PRKN: variants seen among roughly 807,000 people sequenced by gnomAD.
PRKN encodes E3 ubiquitin-protein ligase parkin.
PRKN carries 56 observed loss-of-function variants against 59.5 expected under a neutral mutation model. The ratio of observed to expected loss-of-function variants is 0.94; its 90% confidence interval spans 0.76 to 1.18. The LOEUF is 1.18. Ranked by LOEUF, PRKN falls within the 50% of genes most tolerant of loss-of-function variation. The probability of loss-of-function intolerance (pLI) is 0.00; values close to 1 mark genes in which losing one functional copy is unlikely to be tolerated. For synonymous variants in PRKN, 250 were observed against 222.1 expected, an observed-to-expected ratio of 1.13 and a Z score of -1.12; for missense variants, 657 against 596.4, an observed-to-expected ratio of 1.10 and a Z score of -1.06.
Position 162,727,685 on chromosome 6 carries a change from G to C in PRKN, c.-17C>G. On this transcript the variant is annotated 5_prime_UTR_variant, in exon 1 of 12. Coordinates refer to ENST00000366898, the MANE Select transcript of PRKN (RefSeq NM_004562.3). The stretch of plus-strand genomic sequence containing the variant: ...ACCTATCATGGTCACTGGGTAGGTG[G>C]CGGCTGCGGGCCAGGAACAGGCCCA... The C allele has an allele frequency of 6.4e-7, 1 of 1,572,938 alleles. No individual in the cohort carries two copies. Among genetic ancestry groups the C allele is most frequent in the Non-Finnish European group, 8.6e-7 (1 of 1,160,450 alleles).
intron 1 of PRKN, among the ~76,000 whole-genome samples, chr6:162,456,736 TTGTTTTATGTG>T (rs1225243765): frequency 6.6e-6 from 1 of 152,208 alleles, no homozygotes; most frequent in African/African-American, 2.4e-5. Context: ...ATACATAACC[TTGTTTTATGTG>T]TGTTTCTGTT....
chr6:162,689,271 C>T lies in PRKN; in HGVS notation c.7+38391G>A, dbSNP rs569457178. Among the ~76,000 whole-genome samples, 82 of 152,166 alleles carry T rather than the reference C, an allele frequency of 5.4e-4. 1 individual carries two copies. Among genetic ancestry groups the T allele is most frequent in the Admixed American group, 4.0e-3 (61 of 15,294 alleles). ...CATTCTTACTGAAAGAAGTTAACAG[C>T]GATGGGCAGATAAACAATGCACAAG... On this transcript the variant is annotated intron_variant, in intron 1 of 11. Coordinates refer to ENST00000366898, the MANE Select transcript of PRKN (RefSeq NM_004562.3).
At chr6:162,171,445 C>T (rs939006112) in intron 4 of PRKN, among the ~76,000 whole-genome samples, 7 of 152,066 alleles carry the variant, frequency 4.6e-5, no homozygotes, top group Non-Finnish European at 8.8e-5. Context: ...TGGAGTGGCC[C>T]TAAGCAAGTT....
At chr6:162,117,774 T>G (rs966069550) in intron 4 of PRKN, among the ~76,000 whole-genome samples, 1 of 152,194 alleles carries the variant, frequency 6.6e-6, no homozygotes, top group Non-Finnish European at 1.5e-5. Context: ...TCTGAGTGAA[T>G]GCAACTGATG....
intron 2 of PRKN, among the ~76,000 whole-genome samples, chr6:162,410,077 G>A (rs1189239872): frequency 6.6e-6 from 1 of 152,162 alleles, no homozygotes; most frequent in Non-Finnish European, 1.5e-5. Flanking sequence ...CACAATCTAG[G>A]CATTTTTGTT....
intron 2 of PRKN, among the ~76,000 whole-genome samples, chr6:162,401,728 TTAAAA>T (rs1215839421): frequency 1.3e-5 from 2 of 151,920 alleles, no homozygotes; most frequent in African/African-American, 4.8e-5. Context: ...ATATACAAAA[TTAAAA>T]TAAGGAGAAT....
At chr6:161,574,480 G>A (rs941375389) in intron 7 of PRKN, among the ~76,000 whole-genome samples, 5 of 152,078 alleles carry the variant, frequency 3.3e-5, no homozygotes, top group Admixed American at 1.3e-4. Flanking sequence ...CTTAATGACT[G>A]CATATTACTT....
intron 2 of PRKN, among the ~76,000 whole-genome samples, chr6:162,329,388 C>T (rs1487184001): frequency 2.0e-5 from 3 of 152,038 alleles, no homozygotes; most frequent in Non-Finnish European, 4.4e-5. Flanking sequence ...CCTTCCATAT[C>T]GATGGCTCCT....
At chr6:161,932,713 ACAATCT>A (rs1252208472) in intron 6 of PRKN, among the ~76,000 whole-genome samples, 4 of 152,238 alleles carry the variant, frequency 2.6e-5, no homozygotes, top group African/African-American at 9.6e-5. Context: ...TGTACAACAC[ACAATCT>A]CAATTATCTG....
intron 1 of PRKN, among the ~76,000 whole-genome samples, chr6:162,671,962 G>A (rs1284541738): frequency 1.3e-5 from 2 of 151,970 alleles, no homozygotes; most frequent in Non-Finnish European, 2.9e-5. Context: ...GTGAGTGCTG[G>A]GAGGTGCTGC....
chr6:162,135,527 A>G (rs970797001), intron 4 of PRKN, among the ~76,000 whole-genome samples: 4 of 152,140 alleles, frequency 2.6e-5, no homozygotes, highest in Non-Finnish European at 5.9e-5. Flanking sequence ...AAAGAGAAAA[A>G]GTGCTTTTTG....
In PRKN at chr6:162,220,637, G is replaced by A. The variant is rs374816941; in HGVS notation, c.413-19385C>T. On this transcript the variant is annotated intron_variant, in intron 3 of 11. Coordinates refer to ENST00000366898, the MANE Select transcript of PRKN (RefSeq NM_004562.3). ...CCAACCAGTAACCAAGGTAAAAGAG[G>A]GACTAAATCAATCAACGAAAAAAAA... Among the ~76,000 whole-genome samples the A allele has an allele frequency of 1.6e-4, 24 of 152,144 alleles. No individual in the cohort carries two copies. In the East Asian group the frequency reaches 4.4e-3, roughly 28 times the overall value.
chr6:161,884,750 T>C (rs941622130), intron 6 of PRKN, among the ~76,000 whole-genome samples: 1 of 152,198 alleles, frequency 6.6e-6, no homozygotes, highest in Non-Finnish European at 1.5e-5. Context: ...TAGTAGTCAA[T>C]GAGTCTAGAC....
chr6:161,569,367 C>A lies in PRKN; in HGVS notation c.921G>T (p.Leu307=), dbSNP rs751616810. The A allele has an allele frequency of 1.2e-6, 2 of 1,613,750 alleles. No individual in the cohort carries two copies. Among genetic ancestry groups the A allele is most frequent in the African/African-American group, 1.3e-5 (1 of 75,042 alleles). ...GATGCTCACTCACCTGCTCTTCTCCCAGAATCCTGAAGTGATGGAGCTCTT... is the reference window on the plus strand; with the variant it reads ...GATGCTCACTCACCTGCTCTTCTCCAAGAATCCTGAAGTGATGGAGCTCTT... ...LIKELHHFRI[L]GEEQYNRYQQ... The change falls in exon 8 of 12, where the codon CTG becomes CTT. Residue 307 remains leucine (L), a synonymous_variant. Transcript: ENST00000366898.
At chr6:162,363,136 A>C (rs368935413) in intron 2 of PRKN, among the ~76,000 whole-genome samples, 31,425 of 136,468 alleles carry the variant, frequency 0.23, 2,450 homozygotes, top group African/African-American at 0.26. Context: ...TCAAACAAAA[A>C]AAAAAAAAAA....
chr6:162,612,192 CAAAA>C (rs796515239), intron 1 of PRKN, among the ~76,000 whole-genome samples: 10 of 64,844 alleles, frequency 1.5e-4, no homozygotes, highest in Admixed American at 4.5e-4. Flanking sequence ...GACTCCATCT[CAAAA>C]AAAAAAAAAA....
chr6:162,108,083 T>A (rs1780270437), intron 4 of PRKN, among the ~76,000 whole-genome samples: 1 of 152,232 alleles, frequency 6.6e-6, no homozygotes, highest in South Asian at 2.1e-4. Context: ...ATGCCTTTGC[T>A]TGGGAACACC....
At chr6:162,681,285 A>G (rs982910520) in intron 1 of PRKN, among the ~76,000 whole-genome samples, 4 of 152,222 alleles carry the variant, frequency 2.6e-5, no homozygotes, top group African/African-American at 7.2e-5. Flanking sequence ...AAAATTTATC[A>G]TGAAATCAAA....
intron 5 of PRKN, among the ~76,000 whole-genome samples, chr6:162,045,208 A>AC (rs904218503): frequency 2.0e-5 from 3 of 152,232 alleles, no homozygotes; most frequent in African/African-American, 7.2e-5. Flanking sequence ...AGTGACTAGC[A>AC]CAACAAATCA....
Sources: gnomAD v4.1 joint callset for allele counts (sites outside exome capture counted in the v4.1 genomes callset) on GRCh38, gnomAD v4.1.1 for gene constraint, MANE v1.5 for transcripts, NCBI Gene and HGNC (gene_info 2026-07-23, HGNC 2026-07-21) for gene names.